Variants in EVC observed in about 807,000 individuals in gnomAD.
The protein encoded by EVC is EvC ciliary complex subunit 1, also known as evC complex member EVC.
EVC carries 116 observed loss-of-function variants against 118.9 expected under a neutral mutation model. The ratio of observed to expected loss-of-function variants is 0.98; its 90% CI spans 0.84 to 1.14. The LOEUF (loss-of-function observed/expected upper bound fraction) is 1.14, where lower values mean the gene tolerates loss of function less well. EVC is among the 50% of genes most tolerant of loss of function. The pLI is 0.00. For missense variants in EVC, 1,401 were observed against 1,246.4 expected, an observed-to-expected ratio of 1.12 and a Z score of -1.87; for synonymous variants, 619 against 534.7, an observed-to-expected ratio of 1.16 and a Z score of -2.18.
chr4:5,754,007 C>T lies in EVC; in HGVS notation c.1464+74C>T, dbSNP rs562057417. 79 of 1,578,068 alleles carry T rather than the reference C, an allele frequency of 5.0e-5. No individual in the cohort carries two copies. Among genetic ancestry groups the T allele is most frequent in the African/African-American group, 4.0e-5 (3 of 74,180 alleles). ...TCTGTTCCCGTGACTGAGCACGGGACGCCGGAGGTATTCATCAGGCATGAG... is the reference window on the plus strand; with the variant it reads ...TCTGTTCCCGTGACTGAGCACGGGATGCCGGAGGTATTCATCAGGCATGAG... On this transcript the variant is annotated intron_variant, in intron 10 of 20. Coordinates refer to ENST00000264956, the MANE Select transcript of EVC (RefSeq NM_153717.3). The surrounding 1 kb of genome is among the most constrained non-coding windows in gnomAD (Gnocchi z 5.8).
At position 5,783,768 on chromosome 4, in the gene EVC, CG is replaced by C. The variant is rs540001390; in HGVS notation, c.1776+7del. ...GCTCCTAGAGCAAGACCAGCAGGTGCGGGCATTTGGGAACCCAGGGGCTGGG... is the reference window on the plus strand; with the variant it reads ...GCTCCTAGAGCAAGACCAGCAGGTGCGGCATTTGGGAACCCAGGGGCTGGG... On this transcript the variant is annotated splice_donor_5th_base_variant and intron_variant, in intron 12 of 20. Coordinates refer to ENST00000264956, the MANE Select transcript of EVC (RefSeq NM_153717.3). 9.7e-5 allele frequency: 155 copies of C among 1,605,482 alleles called. No homozygotes were observed. The South Asian group carries it at 1.6e-3, about 17-fold the overall frequency.
intron 11 of EVC, among the ~76,000 whole-genome samples, chr4:5,761,363 G>A (rs530405300): frequency 6.6e-6 from 1 of 152,086 alleles, no homozygotes; most frequent in East Asian, 1.9e-4. Flanking sequence ...ACTGAAGCAG[G>A]TGTCACAATC....
the EVC span, chr4:5,821,978 C>G: frequency 4.8e-5 from 33 of 690,474 alleles, no homozygotes; most frequent in South Asian, 8.2e-4. The surrounding 1 kb of genome is among the most constrained non-coding windows in gnomAD (Gnocchi z 4.4). Context: ...AGTCCAGGAC[C>G]AGCCATGGGA....
chr4:5,770,009 G>A (rs1024979152), intron 11 of EVC, among the ~76,000 whole-genome samples: 1 of 152,106 alleles, frequency 6.6e-6, no homozygotes, highest in African/African-American at 2.4e-5. Context: ...GGGCCAGGCT[G>A]ATGATAATGG....
chr4:5,757,891 A>T (rs1050162099), intron 11 of EVC, among the ~76,000 whole-genome samples: 3 of 152,154 alleles, frequency 2.0e-5, no homozygotes, highest in Non-Finnish European at 4.4e-5. Flanking sequence ...GCTTCAACCT[A>T]AGAATTTTGG....
In EVC at chr4:5,733,393, C is replaced by T. The variant is rs200294295; in HGVS notation, c.660C>T (p.Asp220=). Residue 220 remains aspartate, a synonymous_variant, in exon 5 of 21, where the codon GAC becomes GAT. Transcript: ENST00000264956. Reference sequence around the variant, plus strand: ...GTATCTACAGCCTTCACTTAAAAGACCTGCTGCATTTGGACACGGCACTGA... The same window carrying T: ...GTATCTACAGCCTTCACTTAAAAGATCTGCTGCATTTGGACACGGCACTGA... ...DLCIYSLHLK[D]LLHLDTALRQ... is the part of the protein sequence containing the mutation. 3.7e-6 allele frequency: 6 copies of T among 1,613,948 alleles called. No individual in the cohort carries two copies. In the East Asian group the frequency reaches 6.7e-5, roughly 18 times the overall value.
rs114550283 is a variant in EVC, at chr4:5,717,364, T to C, written c.175-1884T>C. Among the ~76,000 whole-genome samples, 1,244 of 152,258 alleles carry C rather than the reference T, an allele frequency of 8.2e-3. 22 individuals are homozygous for C. The highest frequency in any genetic ancestry group is 0.028 in the African/African-American group (1,181 of 41,546). ...AAGTTTTTTTTCCCTGTGTAGTGCG[T>C]TCCCTGCTTGCTTTTTCCTTTTGTT... On this transcript the variant is annotated intron_variant, in intron 1 of 20. Coordinates refer to ENST00000264956, the MANE Select transcript of EVC (RefSeq NM_153717.3).
intron 13 of EVC, among the ~76,000 whole-genome samples, chr4:5,794,546 G>C (rs1713580925): frequency 6.6e-6 from 1 of 151,236 alleles, no homozygotes; most frequent in African/African-American, 2.4e-5. Flanking sequence ...GAGTAGCTGG[G>C]ATTACAGGTG....
intron 1 of EVC, 99 bp downstream of exon 1, chr4:5,711,653 C>A: frequency 1.0e-6 from 1 of 963,786 alleles, no homozygotes; most frequent in Non-Finnish European, 1.3e-6. Flanking sequence ...CTCCTTGAGC[C>A]TGGTTGGGAA....
At chr4:5,716,419 T>C (rs1045839646) in intron 1 of EVC, among the ~76,000 whole-genome samples, 2 of 152,176 alleles carry the variant, frequency 1.3e-5, no homozygotes, top group Non-Finnish European at 2.9e-5. Flanking sequence ...TTTTAAAATG[T>C]AGGTTCGGCA....
At chr4:5,760,476 G>A (rs1473974553) in intron 11 of EVC, among the ~76,000 whole-genome samples, 1 of 152,094 alleles carries the variant, frequency 6.6e-6, no homozygotes, top group Non-Finnish European at 1.5e-5. Flanking sequence ...TATATGAAAT[G>A]TACTGCATAA....
intron 5 of EVC, among the ~76,000 whole-genome samples, chr4:5,734,494 A>G (rs1462386281): frequency 2.0e-5 from 3 of 152,088 alleles, no homozygotes; most frequent in African/African-American, 7.2e-5. Context: ...AAAAACAAAC[A>G]AACAAACAAA....
At position 5,731,561 on chromosome 4, in the gene EVC, C is replaced by T; in HGVS notation, c.521C>T (p.Ser174Phe). 6.2e-7 allele frequency: 1 copy of T among 1,614,122 alleles called. No individual in the cohort carries two copies. ...CAGGGTGAGAAGGACGACTGCAGCT[C>T]CTCATCCAGCGTCCACTCGGCCACC... ...LSQGEKDDCS[S>F]SSSVHSATSD... The change falls in exon 4 of 21, where the codon TCC becomes TTC. Residue 174 changes from serine (S) to phenylalanine (F), a missense_variant. Transcript: ENST00000264956. This position sits in a 1 kb window ranked among gnomAD's most constrained non-coding sequence, Gnocchi z 5.6.
In EVC at chr4:5,711,412, ACG is replaced by A. The variant is rs1722986802; in HGVS notation, c.37_38del (p.Arg13AlafsTer59). 9.8e-7 allele frequency: 1 copy of A among 1,023,234 alleles called. No individual in the cohort carries two copies. Among genetic ancestry groups the A allele is most frequent in the Non-Finnish European group, 1.2e-6 (1 of 857,854 alleles). 63.4% of individuals were successfully genotyped at this position (1,023,234 alleles called of 1,614,324 possible). A position where few individuals can be genotyped will look rare whatever the true frequency, so the allele number is the denominator to read the frequency against. ...CGCGGCGGGGCGGCCTGCAAGAGCG[ACG>A]CGCGGCTGCTGCTGGGGCGGGACGC... On this transcript the variant is annotated frameshift_variant, in exon 1 of 21. Coordinates refer to ENST00000264956, the MANE Select transcript of EVC (RefSeq NM_153717.3). LOFTEE classifies it high-confidence loss of function.
At position 5,785,389 on chromosome 4, in the gene EVC, G is replaced by A. The variant is rs1736267220; in HGVS notation, c.1776+1625G>A. On this transcript the variant is annotated intron_variant, in intron 12 of 20. Transcript: ENST00000264956. ...AACAAGCCCTGTTTCTTTAAGTTGGGTTTGCGATTAGTTACAAAAGACCAG... is the reference window on the plus strand; with the variant it reads ...AACAAGCCCTGTTTCTTTAAGTTGGATTTGCGATTAGTTACAAAAGACCAG... Among the ~76,000 whole-genome samples, 3 of 150,812 alleles carry A rather than the reference G, an allele frequency of 2.0e-5. No individual in the cohort carries two copies. The South Asian group carries it at 6.2e-4, about 31-fold the overall frequency.
intron 2 of EVC, among the ~76,000 whole-genome samples, chr4:5,725,477 A>T (rs1177900445): frequency 6.6e-6 from 1 of 152,130 alleles, no homozygotes; most frequent in Non-Finnish European, 1.5e-5. Flanking sequence ...ATGATCAGTG[A>T]TGTTGAGCTT....
intron 11 of EVC, among the ~76,000 whole-genome samples, chr4:5,769,988 T>G (rs903619056): frequency 1.5e-4 from 23 of 152,084 alleles, no homozygotes; most frequent in Non-Finnish European, 2.8e-4. Flanking sequence ...CCCTGACAGC[T>G]GCTGTGCTCA....
chr4:5,825,766 A>G, the EVC span: 56,795 of 1,106,492 alleles, frequency 0.051, 1,814 homozygotes, highest in African/African-American at 0.067. The surrounding 1 kb of genome is among the most constrained non-coding windows in gnomAD (Gnocchi z 4.4). Context: ...AGGTCACTTC[A>G]AATGTGCATG....
chr4:5,712,855 G>T (rs1553858683), intron 1 of EVC, among the ~76,000 whole-genome samples: 1 of 152,162 alleles, frequency 6.6e-6, no homozygotes, highest in Non-Finnish European at 1.5e-5. Flanking sequence ...GACTTGGCTG[G>T]GTGTCCTGTG....
Sources: gnomAD v4.1 joint callset for allele counts (sites outside exome capture counted in the v4.1 genomes callset) on GRCh38, gnomAD v4.1.1 for gene constraint, Gnocchi (gnomAD v3.1) non-coding constraint, MANE v1.5 for transcripts, NCBI Gene and HGNC (gene_info 2026-07-23, HGNC 2026-07-21) for gene names.